Variants in ANTXR1 observed in about 807,000 individuals in gnomAD.
The protein encoded by ANTXR1 is ANTXR cell adhesion molecule 1.
In ANTXR1, 19 loss-of-function variants were observed where a neutral mutation model predicts 78.1. That is an observed-to-expected ratio of 0.24 (90% CI 0.17 to 0.36). The LOEUF is 0.36. Ranked by LOEUF, ANTXR1 falls within the 10% of genes least tolerant of loss-of-function variation. ANTXR1 has a pLI of 1.00. For missense variants in ANTXR1, 518 were observed against 718.6 expected (o/e 0.72, Z 3.19); for synonymous variants, 273 against 260.5 (o/e 1.05, Z -0.46).
At chr2:69,218,959 TTAA>T (rs1365632920) in intron 17 of ANTXR1, among the ~76,000 whole-genome samples, 1 of 152,228 alleles carries the variant, frequency 6.6e-6, no homozygotes. Flanking sequence ...ACCAGGAGCC[TTAA>T]TAACTGCTCC....
chr2:69,013,579 G>T lies in ANTXR1; in HGVS notation c.80G>T (p.Gly27Val), dbSNP rs1558726190. 2 of 1,569,586 alleles carry T rather than the reference G, an allele frequency of 1.3e-6. No homozygotes were observed. The highest frequency in any genetic ancestry group is 1.7e-4 in the Middle Eastern group (1 of 5,978). The change falls in exon 1 of 18, where the codon GGG becomes GTG. Residue 27 changes from glycine to valine, a missense_variant. This residue lies in a region of ANTXR1 where 55 missense variants were observed against 52.5 expected (regional missense o/e 1.05). Coordinates refer to ENST00000303714, the MANE Select transcript of ANTXR1 (RefSeq NM_032208.3). This position sits in a 1 kb window ranked among gnomAD's most constrained non-coding sequence, Gnocchi z 5.0. ...SLATLVLICA[G>V]QGGRREDGGP... ...GCCACTCTGGTGCTCATCTGCGCCG[G>T]GCAAGGGGGACGCAGGGAGGATGGG...
At position 69,152,215 on chromosome 2, in the gene ANTXR1, T is replaced by C. The variant is rs1423706843; in HGVS notation, c.998T>C (p.Leu333Pro). Residue 333 changes from leucine to proline, a missense_variant, in exon 13 of 18, where the codon CTC (leucine) becomes CCC (proline). Leu to Pro is a moderately conservative substitution (Grantham distance 98, BLOSUM62 -3). This residue lies in a region of ANTXR1 where 264 missense variants were observed against 391.8 expected (regional missense o/e 0.67). Transcript: ENST00000303714. Reference protein sequence around the residue: ...LAIALLILFLLLALALLWWFW... With the variant: ...LAIALLILFLPLALALLWWFW... ...ATCGCCCTGCTGATCCTGTTCCTGC[T>C]CCTAGCCCTGGCTCTCCTCTGGTGG... is the stretch of plus-strand genomic sequence containing the variant. 1 of 1,614,156 alleles carries C rather than the reference T, an allele frequency of 6.2e-7. No individual in the cohort carries two copies. Among genetic ancestry groups the C allele is most frequent in the Non-Finnish European group, 8.5e-7 (1 of 1,180,018 alleles).
Position 69,175,456 on chromosome 2 carries a change from A to T in ANTXR1, c.1089+5167A>T, listed in dbSNP as rs111440500. Among the ~76,000 whole-genome samples, 219 of 152,016 alleles carry T rather than the reference A, an allele frequency of 1.4e-3. 1 individual carries two copies. The highest frequency in any genetic ancestry group is 4.9e-3 in the African/African-American group (201 of 41,390). On this transcript the variant is annotated intron_variant, in intron 14 of 17. Transcript: ENST00000303714. ...ACCGCCCCCCGCCCCCGCCGCCGATATCTACAAAAATAAAAATTAGCTTGG... is the reference window on the plus strand; with the variant it reads ...ACCGCCCCCCGCCCCCGCCGCCGATTTCTACAAAAATAAAAATTAGCTTGG...
chr2:69,075,396 C>T (rs1670698321), intron 6 of ANTXR1, among the ~76,000 whole-genome samples, 194 bp from the exon 7 acceptor site: 1 of 152,172 alleles, frequency 6.6e-6, no homozygotes, highest in Non-Finnish European at 1.5e-5. Flanking sequence ...TCAAGTCCAC[C>T]ATGTGTTATG....
chr2:69,076,942 A>G (rs1670750835), intron 7 of ANTXR1, among the ~76,000 whole-genome samples: 1 of 152,116 alleles, frequency 6.6e-6, no homozygotes, highest in African/African-American at 2.4e-5. Context: ...CCTTTCCTTA[A>G]TGGGCAGTTT....
At chr2:69,172,568 C>T in intron 14 of ANTXR1, 1 of 1,351,722 alleles carries the variant, frequency 7.4e-7, no homozygotes, top group Non-Finnish European at 9.5e-7. Flanking sequence ...ACACTCTCTG[C>T]CGTATATATG....
At position 69,248,699 on chromosome 2, in the gene ANTXR1, G is replaced by T. The variant is rs1676071828; in HGVS notation, c.*3214G>T. On this transcript the variant is annotated 3_prime_UTR_variant, in exon 18 of 18. Transcript: ENST00000303714. ...AAGTCCAAACACTATGTCAGATGGG[G>T]GTAAAATCCATTAAAGAACAGGAAA... The T allele has an allele frequency of 6.6e-6, 1 of 151,940 alleles. No individual in the cohort carries two copies. Among genetic ancestry groups the T allele is most frequent in the Non-Finnish European group, 1.5e-5 (1 of 67,990 alleles). 9.4% of individuals were successfully genotyped at this position (151,940 alleles called of 1,614,324 possible). A position where few individuals can be genotyped will look rare whatever the true frequency, so the allele number is the denominator to read the frequency against.
chr2:69,022,631 A>T (rs112693933), intron 1 of ANTXR1, among the ~76,000 whole-genome samples: 10 of 152,236 alleles, frequency 6.6e-5, no homozygotes, highest in African/African-American at 2.2e-4. Flanking sequence ...GCCAGATCAC[A>T]ACTTCAGAGG....
intron 11 of ANTXR1, among the ~76,000 whole-genome samples, chr2:69,123,648 G>A (rs748875514): frequency 3.3e-5 from 5 of 152,148 alleles, no homozygotes; most frequent in South Asian, 2.1e-4. Context: ...CACCCAGACC[G>A]GAAAAAATTC....
chr2:69,055,458 A>G (rs1670039956), intron 3 of ANTXR1, among the ~76,000 whole-genome samples: 1 of 152,170 alleles, frequency 6.6e-6, no homozygotes, highest in African/African-American at 2.4e-5. Flanking sequence ...GTAAAAAGAA[A>G]TCACCATGGA....
intron 17 of ANTXR1, among the ~76,000 whole-genome samples, chr2:69,223,843 T>C (rs987294728): frequency 6.6e-6 from 1 of 152,202 alleles, no homozygotes; most frequent in Admixed American, 6.5e-5. Flanking sequence ...GGCTAAAAAT[T>C]ACAGATGATT....
intron 17 of ANTXR1, among the ~76,000 whole-genome samples, chr2:69,214,862 A>G (rs1207516085): frequency 6.6e-6 from 1 of 152,170 alleles, no homozygotes; most frequent in Non-Finnish European, 1.5e-5. Context: ...TCCTTGACAC[A>G]GGCAGATGTT....
Position 69,245,234 on chromosome 2 carries a change from A to C in ANTXR1, c.1444A>C (p.Ile482Leu). Residue 482 changes from isoleucine to leucine, a missense_variant, in exon 18 of 18, where the codon ATC (isoleucine) becomes CTC (leucine). Physicochemically the swap from Ile to Leu is conservative, Grantham distance 5. This residue lies in a region of ANTXR1 where 192 missense variants were observed against 230.2 expected (regional missense o/e 0.83). Coordinates refer to ENST00000303714, the MANE Select transcript of ANTXR1 (RefSeq NM_032208.3). ...TCCAATTCTTTTCTAGGGGCGCTGCATCAACTTCACCAGGGTCAAGAACAA... is the reference window on the plus strand; with the variant it reads ...TCCAATTCTTTTCTAGGGGCGCTGCCTCAACTTCACCAGGGTCAAGAACAA... The part of the protein sequence containing the change: ...RPQPGDTGRC[I>L]NFTRVKNNQP... 6.2e-7 allele frequency: 1 copy of C among 1,613,900 alleles called. No individual in the cohort carries two copies. The highest frequency in any genetic ancestry group is 1.1e-5 in the South Asian group (1 of 91,060).
intron 14 of ANTXR1, among the ~76,000 whole-genome samples, chr2:69,175,452 C>T (rs751061452): frequency 9.2e-5 from 14 of 151,832 alleles, no homozygotes; most frequent in Admixed American, 1.3e-4. Context: ...CCCCCGCCGC[C>T]GATATCTACA....
At chr2:69,042,675 G>T (rs1669645442) in intron 2 of ANTXR1, among the ~76,000 whole-genome samples, 1 of 152,092 alleles carries the variant, frequency 6.6e-6, no homozygotes, top group African/African-American at 2.4e-5. Context: ...TGTCTTTAAA[G>T]ACTGGCCATC....
At chr2:69,171,508 G>A (rs1673984063) in intron 14 of ANTXR1, among the ~76,000 whole-genome samples, 1 of 152,190 alleles carries the variant, frequency 6.6e-6, no homozygotes, top group Non-Finnish European at 1.5e-5. Context: ...AAATAAAATA[G>A]AGCAAGGAGC....
intron 7 of ANTXR1, 148 bp from the exon 8 acceptor site, chr2:69,077,260 C>A: frequency 1.3e-6 from 1 of 784,412 alleles, no homozygotes. Flanking sequence ...GATGGCTTTT[C>A]AGGGCAGCCC....
At chr2:69,203,708 A>G (rs1239369965) in intron 17 of ANTXR1, among the ~76,000 whole-genome samples, 1 of 151,722 alleles carries the variant, frequency 6.6e-6, no homozygotes, top group Non-Finnish European at 1.5e-5. Flanking sequence ...TTCCACAAGC[A>G]TTACACACTC....
chr2:69,102,767 G>A, intron 9 of ANTXR1, 75 bp from the exon 10 acceptor site: 1 of 1,392,992 alleles, frequency 7.2e-7, no homozygotes, highest in Middle Eastern at 2.4e-4. Flanking sequence ...GTGAACAAAT[G>A]CTCTAAATCA....
Sources: gnomAD v4.1 joint callset for allele counts (sites outside exome capture counted in the v4.1 genomes callset) on GRCh38, gnomAD v4.1.1 for gene constraint, gnomAD v4.1.1 regional missense constraint, Gnocchi (gnomAD v3.1) non-coding constraint, MANE v1.5 for transcripts, NCBI Gene and HGNC (gene_info 2026-07-23, HGNC 2026-07-21) for gene names.